The following XPO4 variants were observed in gnomAD, a reference collection of about 807,000 sequenced individuals.
XPO4 encodes exportin-4.
XPO4 carries 39 observed loss-of-function variants against 143.0 expected under a neutral mutation model. That is an observed-to-expected ratio of 0.27 (90% confidence interval 0.21 to 0.36). The LOEUF (loss-of-function observed/expected upper bound fraction) is 0.36, where lower values mean the gene tolerates loss of function less well. XPO4 is among the 10% of genes least tolerant of loss of function. The pLI, the probability that XPO4 is intolerant of heterozygous loss-of-function variation, is 1.00. For missense variants in XPO4, 907 were observed against 1,348.0 expected (o/e 0.67, Z 5.12); for synonymous variants, 439 against 474.0 (o/e 0.93, Z 0.96).
At position 20,853,163 on chromosome 13, in the gene XPO4, G is replaced by A. The variant is rs1396444994; in HGVS notation, c.456+2464C>T. ...CTAGGCAACATAGTGAAACCTCATC[G>A]CTACAAAAAAACTTTAAAAATTAGC... is the stretch of plus-strand genomic sequence containing the variant. On this transcript the variant is annotated intron_variant, in intron 4 of 22. Transcript: ENST00000255305. The A allele has an allele frequency of 6.5e-6, 3 of 458,812 alleles. 1 individual carries two copies. The highest frequency in any genetic ancestry group is 3.1e-4 in the East Asian group (2 of 6,392). 28.4% of individuals were successfully genotyped at this position (458,812 alleles called of 1,614,324 possible). A position where few individuals can be genotyped will look rare whatever the true frequency, so the allele number is the denominator to read the frequency against.
chr13:20,857,900 A>T, intron 3 of XPO4: 1 of 985,196 alleles, frequency 1.0e-6, no homozygotes, highest in Non-Finnish European at 1.2e-6. Context: ...TTTTATTTCA[A>T]TTAAGAGGAA....
chr13:20,861,981 G>T (rs565814039), intron 3 of XPO4, among the ~76,000 whole-genome samples: 1 of 151,768 alleles, frequency 6.6e-6, no homozygotes, highest in African/African-American at 2.4e-5. Context: ...TAGAGATGGC[G>T]TTTCCGCATA....
intron 10 of XPO4, 78 bp from the exon 11 acceptor site, chr13:20,809,303 G>A (rs767684604): frequency 3.4e-5 from 51 of 1,521,786 alleles, no homozygotes; most frequent in Non-Finnish European, 4.4e-5. Flanking sequence ...CCATAACATA[G>A]CTTAGATAGC....
chr13:20,797,779 GGTT>G (rs1342892424), intron 16 of XPO4, among the ~76,000 whole-genome samples: 2 of 152,116 alleles, frequency 1.3e-5, no homozygotes, highest in Non-Finnish European at 2.9e-5. Flanking sequence ...ATGTGCCCAT[GGTT>G]GTTGTTATGG....
chr13:20,809,654 G>A, intron 10 of XPO4, 137 bp downstream of exon 10: 4 of 962,948 alleles, frequency 4.2e-6, no homozygotes, highest in South Asian at 2.3e-5. Flanking sequence ...AGAACTCAGA[G>A]AACAAGGCCA....
chr13:20,888,070 G>T (rs1035021720), intron 1 of XPO4, among the ~76,000 whole-genome samples: 1 of 151,278 alleles, frequency 6.6e-6, no homozygotes, highest in Non-Finnish European at 1.5e-5. Context: ...AGCTACTCGG[G>T]AGGCTGAGGC....
intron 21 of XPO4, 124 bp downstream of exon 21, chr13:20,787,356 AG>A: frequency 2.3e-6 from 2 of 885,460 alleles, no homozygotes; most frequent in South Asian, 3.1e-5. Flanking sequence ...AACAGTGAAC[AG>A]GAAGTCATGG....
intron 9 of XPO4, among the ~76,000 whole-genome samples, chr13:20,820,750 C>G (rs1213931311): frequency 6.6e-6 from 1 of 152,094 alleles, no homozygotes; most frequent in African/African-American, 2.4e-5. Context: ...ATGAAAGTGC[C>G]CGATTACATA....
intron 13 of XPO4, among the ~76,000 whole-genome samples, chr13:20,804,051 T>C (rs537158682): frequency 6.6e-6 from 1 of 152,136 alleles, no homozygotes; most frequent in South Asian, 2.1e-4. Context: ...ATACAGTAAT[T>C]AAGAAAAGTA....
chr13:20,864,558 A>G (rs139612714), intron 2 of XPO4, among the ~76,000 whole-genome samples: 31 of 152,328 alleles, frequency 2.0e-4, no homozygotes, highest in African/African-American at 7.5e-4. Flanking sequence ...CTGAGGTCAC[A>G]TGGCTGGTAA....
chr13:20,825,599 T>G (rs1184037667), intron 7 of XPO4, among the ~76,000 whole-genome samples: 1 of 152,222 alleles, frequency 6.6e-6, no homozygotes, highest in Non-Finnish European at 1.5e-5. Context: ...TGTTCAGATC[T>G]GGTAGAGTTG....
rs1411789403 is a variant in XPO4, at chr13:20,781,128, T to A, written c.*2594A>T. ...CATATATAAAAGAGGGCACAAATAA[T>A]GTTTTTGTTTTAAAAAATATTTTAA... On this transcript the variant is annotated 3_prime_UTR_variant, in exon 23 of 23. Coordinates refer to ENST00000255305, the MANE Select transcript of XPO4 (RefSeq NM_022459.5). The A allele has an allele frequency of 6.6e-6, 1 of 152,208 alleles. No homozygotes were observed. Among genetic ancestry groups the A allele is most frequent in the African/African-American group, 2.4e-5 (1 of 41,444 alleles). 9.4% of individuals were successfully genotyped at this position (152,208 alleles called of 1,614,324 possible).
intron 3 of XPO4, among the ~76,000 whole-genome samples, chr13:20,859,595 G>A (rs1056751661): frequency 1.3e-5 from 2 of 148,906 alleles, no homozygotes; most frequent in Non-Finnish European, 1.5e-5. Context: ...CCGAGACTCC[G>A]TCTCAAAAAA....
At chr13:20,859,856 A>G in intron 3 of XPO4, 1 of 980,394 alleles carries the variant, frequency 1.0e-6, no homozygotes, top group Non-Finnish European at 1.2e-6. Flanking sequence ...TAAGAGCCAG[A>G]CACATATACA....
chr13:20,837,842 A>G (rs775189505), intron 6 of XPO4, among the ~76,000 whole-genome samples: 1 of 152,146 alleles, frequency 6.6e-6, no homozygotes, highest in Non-Finnish European at 1.5e-5. Flanking sequence ...CTACCACGAG[A>G]ACAGTATGGA....
intron 1 of XPO4, among the ~76,000 whole-genome samples, chr13:20,896,800 A>G (rs2060574035): frequency 6.6e-6 from 1 of 152,204 alleles, no homozygotes; most frequent in South Asian, 2.1e-4. Context: ...TTCTGAGGAT[A>G]TCATCATTTA....
At chr13:20,866,731 T>C (rs1404445592) in intron 2 of XPO4, among the ~76,000 whole-genome samples, 1 of 152,178 alleles carries the variant, frequency 6.6e-6, no homozygotes, top group East Asian at 1.9e-4. Context: ...TACTACTCTT[T>C]AGAAAATTTT....
intron 1 of XPO4, among the ~76,000 whole-genome samples, chr13:20,870,089 C>CA (rs59710121): frequency 0.44 from 43,285 of 98,764 alleles, 9,393 homozygotes; most frequent in Middle Eastern, 0.55. Context: ...GAAGGAGTCT[C>CA]AAAAAAAAAA....
At chr13:20,888,067 C>T (rs1214347989) in intron 1 of XPO4, among the ~76,000 whole-genome samples, 2 of 143,616 alleles carry the variant, frequency 1.4e-5, no homozygotes, top group Non-Finnish European at 1.5e-5. Flanking sequence ...CCCAGCTACT[C>T]GGGAGGCTGA....
Sources: gnomAD v4.1 joint callset for allele counts (sites outside exome capture counted in the v4.1 genomes callset) on GRCh38, gnomAD v4.1.1 for gene constraint, MANE v1.5 for transcripts, NCBI Gene and HGNC (gene_info 2026-07-23, HGNC 2026-07-21) for gene names.